The following ROBO1 variants were observed in gnomAD, a reference collection of about 807,000 sequenced individuals.
The protein encoded by ROBO1 is roundabout guidance receptor 1, also known as roundabout homolog 1.
A neutral mutation model predicts 195.9 loss-of-function variants in ROBO1; 149 were observed. That is an observed-to-expected ratio of 0.76 (90% CI 0.67 to 0.87). The LOEUF is 0.87. Ranked by LOEUF, ROBO1 falls within the 40% of genes least tolerant of loss-of-function variation. The pLI is 0.00. For missense variants in ROBO1, 1,933 were observed against 2,068.3 expected (o/e 0.93, Z 1.27); for synonymous variants, 816 against 733.2 (o/e 1.11, Z -1.82).
intron 10 of ROBO1, among the ~76,000 whole-genome samples, chr3:78,679,066 G>C: frequency 6.6e-6 from 1 of 152,132 alleles, no homozygotes. Flanking sequence ...CAGAACCAAA[G>C]ACAAAAACCA....
Position 79,326,814 on chromosome 3 carries a change from G to A in ROBO1, c.89-201275C>T, listed in dbSNP as rs539789254. Among the ~76,000 whole-genome samples the A allele has an allele frequency of 1.5e-4, 23 of 152,156 alleles. 1 individual carries two copies. The East Asian group carries it at 3.7e-3, about 24-fold the overall frequency. ...ATTATTGCGTAATTTTGTGATGTTA[G>A]GAAACTATATATGATCATACCTCTC... On this transcript the variant is annotated intron_variant, in intron 2 of 30. Transcript: ENST00000464233.
At chr3:79,353,430 C>T (rs539142304) in intron 2 of ROBO1, among the ~76,000 whole-genome samples, 62 of 150,426 alleles carry the variant, frequency 4.1e-4, no homozygotes, top group South Asian at 1.5e-3. Context: ...CACACACACA[C>T]GCACAGAAGC....
chr3:79,182,605 G>A (rs1484997248), intron 2 of ROBO1, among the ~76,000 whole-genome samples: 1 of 152,000 alleles, frequency 6.6e-6, no homozygotes, highest in South Asian at 2.1e-4. Context: ...GTGGGGATGG[G>A]TAGGAGATAA....
chr3:79,029,520 C>T (rs2078257500), intron 3 of ROBO1, among the ~76,000 whole-genome samples: 1 of 152,178 alleles, frequency 6.6e-6, no homozygotes, highest in African/African-American at 2.4e-5. Flanking sequence ...ACACTACATT[C>T]TCTGATCTTG....
At chr3:79,646,742 ATTCT>A (rs1308869713) in intron 1 of ROBO1, among the ~76,000 whole-genome samples, 2 of 152,138 alleles carry the variant, frequency 1.3e-5, no homozygotes, top group Admixed American at 1.3e-4. Flanking sequence ...GAAGAATGAA[ATTCT>A]TTCATTCACA....
intron 2 of ROBO1, among the ~76,000 whole-genome samples, chr3:79,507,130 T>G (rs1940442140): frequency 6.6e-6 from 1 of 152,148 alleles, no homozygotes; most frequent in Non-Finnish European, 1.5e-5. Flanking sequence ...TTATAATGCT[T>G]AGAGCACATT....
At chr3:79,500,808 T>A (rs1940030605) in intron 2 of ROBO1, among the ~76,000 whole-genome samples, 1 of 152,180 alleles carries the variant, frequency 6.6e-6, no homozygotes, top group South Asian at 2.1e-4. Flanking sequence ...AGGGCTAATA[T>A]ATCATCTATT....
chr3:78,769,951 A>C (rs189721279), intron 4 of ROBO1, among the ~76,000 whole-genome samples: 15 of 152,184 alleles, frequency 9.9e-5, no homozygotes, highest in Middle Eastern at 3.4e-3. Context: ...ATCTGCTATT[A>C]ATCTGATAGG....
At chr3:79,657,446 A>G (rs1946201254) in intron 1 of ROBO1, among the ~76,000 whole-genome samples, 1 of 152,104 alleles carries the variant, frequency 6.6e-6, no homozygotes, top group Non-Finnish European at 1.5e-5. Flanking sequence ...AAGACTAATA[A>G]AACACATGAA....
intron 3 of ROBO1, among the ~76,000 whole-genome samples, chr3:79,105,904 T>C (rs1404649919): frequency 6.6e-6 from 1 of 151,732 alleles, no homozygotes; most frequent in African/African-American, 2.4e-5. Context: ...GTAGAATGGA[T>C]TGTCTTTGTA....
At chr3:79,286,120 A>T (rs1478957323) in intron 2 of ROBO1, among the ~76,000 whole-genome samples, 1 of 152,194 alleles carries the variant, frequency 6.6e-6, no homozygotes, top group Non-Finnish European at 1.5e-5. Context: ...GAATCAATAA[A>T]CACGTCCCAA....
intron 23 of ROBO1, chr3:78,634,602 C>T (rs967002035): frequency 1.7e-5 from 4 of 240,650 alleles, no homozygotes; most frequent in African/African-American, 9.2e-5. Flanking sequence ...GCTCTCAGGG[C>T]TTTCCGAAGT....
intron 3 of ROBO1, among the ~76,000 whole-genome samples, chr3:78,960,049 C>T (rs916512704): frequency 2.6e-5 from 4 of 152,034 alleles, no homozygotes; most frequent in African/African-American, 9.7e-5. Context: ...CCTGTGGTCC[C>T]AGCTACTCAG....
chr3:79,495,648 T>C (rs993833179), intron 2 of ROBO1, among the ~76,000 whole-genome samples: 1 of 152,182 alleles, frequency 6.6e-6, no homozygotes, highest in Non-Finnish European at 1.5e-5. Flanking sequence ...GAGTTGATAT[T>C]ATCTAACTTT....
chr3:79,673,469 T>A (rs528290793), intron 1 of ROBO1, among the ~76,000 whole-genome samples: 22 of 152,124 alleles, frequency 1.4e-4, no homozygotes, highest in South Asian at 6.2e-4. Flanking sequence ...AACTTGAGCA[T>A]CATGAATGTG....
chr3:78,659,849 G>A, intron 16 of ROBO1, 42 bp from the exon 17 acceptor site: 1 of 1,537,370 alleles, frequency 6.5e-7, no homozygotes, highest in East Asian at 2.3e-5. Flanking sequence ...GAATGTGCTA[G>A]AGAACACTGA....
intron 3 of ROBO1, among the ~76,000 whole-genome samples, chr3:79,052,248 GA>G (rs1451261805): frequency 1.3e-5 from 2 of 152,094 alleles, no homozygotes; most frequent in Non-Finnish European, 2.9e-5. Context: ...TTATGCAGTT[GA>G]AAATAAGGGA....
chr3:79,584,234 A>T (rs1373809671), intron 2 of ROBO1, among the ~76,000 whole-genome samples: 1 of 144,624 alleles, frequency 6.9e-6, no homozygotes, highest in Non-Finnish European at 1.5e-5. Context: ...ATACATGCAT[A>T]TGTTACATAG....
At chr3:79,608,665 T>C (rs955372424) in intron 1 of ROBO1, among the ~76,000 whole-genome samples, 2 of 152,002 alleles carry the variant, frequency 1.3e-5, no homozygotes, top group African/African-American at 2.4e-5. Context: ...CATTTATTTA[T>C]TTATTTTGGC....
Sources: allele counts gnomAD v4.1 joint callset (sites outside exome capture counted in the v4.1 genomes callset), GRCh38; gene constraint gnomAD v4.1.1; transcripts MANE v1.5; gene names NCBI Gene and HGNC (gene_info 2026-07-23, HGNC 2026-07-21).